Variants in DLG2 observed in about 807,000 individuals in gnomAD.
DLG2 encodes discs large MAGUK scaffold protein 2, also known as disks large homolog 2.
In DLG2, 45 loss-of-function variants were observed where a neutral mutation model predicts 132.5. That is an observed-to-expected ratio of 0.34 (90% confidence interval 0.27 to 0.44). DLG2 has a LOEUF of 0.44. Ranked by LOEUF, DLG2 falls within the 20% of genes least tolerant of loss-of-function variation. The pLI is 1.00. For missense variants in DLG2, 1,045 were observed against 1,196.9 expected, an observed-to-expected ratio of 0.87 and a Z score of 1.87; for synonymous variants, 424 against 419.6, an observed-to-expected ratio of 1.01 and a Z score of -0.13.
At chr11:85,023,747 T>C (rs1465846916) in intron 6 of DLG2, among the ~76,000 whole-genome samples, 1 of 152,110 alleles carries the variant, frequency 6.6e-6, no homozygotes, top group Non-Finnish European at 1.5e-5. Context: ...TAAGATATCA[T>C]AGGATAGAGA....
chr11:83,593,970 A>G (rs1476437142), intron 19 of DLG2, among the ~76,000 whole-genome samples: 1 of 152,222 alleles, frequency 6.6e-6, no homozygotes, highest in African/African-American at 2.4e-5. Flanking sequence ...ATCGTAAACC[A>G]AAAGTAAACC....
At chr11:83,815,960 A>T (rs1048043996) in intron 17 of DLG2, among the ~76,000 whole-genome samples, 1 of 152,178 alleles carries the variant, frequency 6.6e-6, no homozygotes, top group Non-Finnish European at 1.5e-5. Flanking sequence ...TAGGTATGCC[A>T]AGTCGGACCC....
chr11:84,279,508 T>G (rs1344496051), intron 7 of DLG2, among the ~76,000 whole-genome samples: 1 of 152,204 alleles, frequency 6.6e-6, no homozygotes, highest in African/African-American at 2.4e-5. Context: ...CAAATGCACA[T>G]GTATGTTTAT....
intron 19 of DLG2, among the ~76,000 whole-genome samples, chr11:83,571,544 T>C (rs2096796215): frequency 7.2e-6 from 1 of 138,122 alleles, no homozygotes; most frequent in Non-Finnish European, 1.5e-5. Context: ...TTAAATTAAA[T>C]AATGACTATG....
At chr11:85,011,270 A>G (rs1592650255) in intron 6 of DLG2, among the ~76,000 whole-genome samples, 2 of 152,340 alleles carry the variant, frequency 1.3e-5, no homozygotes, top group South Asian at 2.1e-4. Flanking sequence ...TGCTTTTTCC[A>G]TAATAACAGA....
chr11:83,723,205 A>AC (rs1411496582), intron 18 of DLG2, among the ~76,000 whole-genome samples: 2 of 151,822 alleles, frequency 1.3e-5, no homozygotes. Flanking sequence ...ACATGATGAA[A>AC]CCCCATCTCT....
At chr11:85,312,058 C>T (rs2080348494) in intron 3 of DLG2, among the ~76,000 whole-genome samples, 1 of 151,938 alleles carries the variant, frequency 6.6e-6, no homozygotes, top group African/African-American at 2.4e-5. Flanking sequence ...ATGGGCCAAA[C>T]TTCTAATAAT....
At chr11:85,236,128 T>C (rs531309388) in intron 4 of DLG2, among the ~76,000 whole-genome samples, 68 of 152,084 alleles carry the variant, frequency 4.5e-4, no homozygotes, top group South Asian at 1.2e-3. Context: ...CAACAAACTA[T>C]AAGGAAGATT....
At chr11:84,694,706 G>A (rs2058431824) in intron 6 of DLG2, among the ~76,000 whole-genome samples, 1 of 151,456 alleles carries the variant, frequency 6.6e-6, no homozygotes, top group Non-Finnish European at 1.5e-5. Context: ...AATATCCATG[G>A]TCATGTAACC....
intron 7 of DLG2, among the ~76,000 whole-genome samples, chr11:84,410,286 G>T (rs1272936347): frequency 6.6e-6 from 1 of 152,070 alleles, no homozygotes; most frequent in African/African-American, 2.4e-5. Context: ...GATAGATCAA[G>T]GATTAAAACT....
intron 18 of DLG2, among the ~76,000 whole-genome samples, chr11:83,668,695 GTATATAAACACATATA>G (rs1566431072): frequency 6.5e-5 from 1 of 15,484 alleles, no homozygotes; most frequent in East Asian, 3.1e-3. Flanking sequence ...ATATATATGT[GTATATAAACACATATA>G]TATGTGTATA....
At chr11:84,698,937 C>T (rs2058906694) in intron 6 of DLG2, among the ~76,000 whole-genome samples, 1 of 151,506 alleles carries the variant, frequency 6.6e-6, no homozygotes, top group Non-Finnish European at 1.5e-5. Flanking sequence ...CATCAATCTT[C>T]ACTGCGTTGC....
intron 4 of DLG2, among the ~76,000 whole-genome samples, chr11:85,229,814 A>G (rs2075193546): frequency 6.6e-6 from 1 of 152,144 alleles, no homozygotes; most frequent in South Asian, 2.1e-4. Flanking sequence ...GCAGCCATAA[A>G]AAGAATGAGT....
chr11:85,209,088 T>A (rs929513902), intron 4 of DLG2, among the ~76,000 whole-genome samples: 1 of 152,140 alleles, frequency 6.6e-6, no homozygotes, highest in Admixed American at 6.5e-5. Context: ...TAGTCCTAAA[T>A]CTGCCACTAA....
At chr11:84,432,618 G>A (rs530754612) in intron 7 of DLG2, among the ~76,000 whole-genome samples, 1 of 152,098 alleles carries the variant, frequency 6.6e-6, no homozygotes, top group Non-Finnish European at 1.5e-5. Flanking sequence ...TCTTTCCTTG[G>A]TCCTACTGCC....
Position 85,111,706 on chromosome 11 carries a change from A to G in DLG2, c.312T>C (p.Asn104=), listed in dbSNP as rs1384525171. ...TCCAAGCAGGGGCTTCCACTGAACAATTCTGGGCTGGGCATCTGCCTTGGT... is the reference window on the plus strand; with the variant it reads ...TCCAAGCAGGGGCTTCCACTGAACAGTTCTGGGCTGGGCATCTGCCTTGGT... The part of the protein sequence containing the change: ...TQNQGRCPAQ[N]CSVEAPAWMP... The change falls in exon 6 of 28, where the codon AAT becomes AAC. Residue 104 remains asparagine (N), a synonymous_variant. Transcript: ENST00000376104. The G allele has an allele frequency of 6.4e-7, 1 of 1,563,082 alleles. No individual in the cohort carries two copies. The highest frequency in any genetic ancestry group is 1.9e-5 in the Admixed American group (1 of 53,038).
At chr11:84,591,453 G>C (rs532414177) in intron 6 of DLG2, among the ~76,000 whole-genome samples, 5 of 151,796 alleles carry the variant, frequency 3.3e-5, no homozygotes, top group African/African-American at 1.2e-4. Context: ...GATCACTTGG[G>C]GTCAGGAGTT....
chr11:83,885,424 G>C (rs1394149040), intron 15 of DLG2, among the ~76,000 whole-genome samples: 1 of 152,164 alleles, frequency 6.6e-6, no homozygotes, highest in Non-Finnish European at 1.5e-5. Flanking sequence ...AACGAACAAA[G>C]CCTCCAAGAA....
rs1197923411 is a variant in DLG2, at chr11:85,500,820, T to C, written c.40+97837A>G. On this transcript the variant is annotated intron_variant, in intron 3 of 27. Transcript: ENST00000376104. ...CACGCTCATGGATAGGAAGAATCAA[T>C]ATCGTGCAAATGGCATTACTGCCCA... is the stretch of plus-strand genomic sequence containing the variant. Among the ~76,000 whole-genome samples the C allele has an allele frequency of 3.9e-5, 6 of 152,202 alleles. No homozygotes were observed. The South Asian group carries it at 6.2e-4, about 16-fold the overall frequency.
Sources: gnomAD v4.1 joint callset for allele counts (sites outside exome capture counted in the v4.1 genomes callset) on GRCh38, gnomAD v4.1.1 for gene constraint, MANE v1.5 for transcripts, NCBI Gene and HGNC (gene_info 2026-07-23, HGNC 2026-07-21) for gene names.